AP1AR: variants seen among roughly 807,000 people sequenced by gnomAD.
AP1AR encodes the protein adaptor related protein complex 1 associated regulatory protein, also known as AP-1 complex-associated regulatory protein.
Under a neutral mutation model 46.3 loss-of-function variants are expected in AP1AR, and 29 were observed. The ratio of observed to expected loss-of-function variants is 0.63; its 90% CI spans 0.47 to 0.85. The LOEUF (loss-of-function observed/expected upper bound fraction) is 0.85. AP1AR is among the 40% of genes least tolerant of loss of function. AP1AR has a pLI of 0.00. For synonymous variants in AP1AR, 122 were observed against 122.9 expected (o/e 0.99, Z 0.05); for missense variants, 357 against 356.3 (o/e 1.00, Z -0.02).
At chr4:112,267,150 T>TG (rs1726744037) in intron 9 of AP1AR, among the ~76,000 whole-genome samples, 1 of 151,920 alleles carries the variant, frequency 6.6e-6, no homozygotes. Flanking sequence ...CTTGTTTTAC[T>TG]GGGTTGAGTC....
intron 9 of AP1AR, 66 bp downstream of exon 9, chr4:112,266,782 A>G: frequency 7.0e-7 from 1 of 1,428,532 alleles, no homozygotes. Flanking sequence ...ATGTAAATCT[A>G]CCTTGGTCTT....
At chr4:112,234,161 C>T (rs1372574923) in intron 1 of AP1AR, among the ~76,000 whole-genome samples, 4 of 152,150 alleles carry the variant, frequency 2.6e-5, no homozygotes, top group Non-Finnish European at 5.9e-5. Context: ...GCCCGGCCAG[C>T]AGGTTGAGTA....
Position 112,270,728 on chromosome 4 carries a change from AG to A in AP1AR, c.*2324del, listed in dbSNP as rs1159335508. Among the ~76,000 whole-genome samples, 37 of 152,296 alleles carry A rather than the reference AG, an allele frequency of 2.4e-4. No homozygotes were observed. In the East Asian group the frequency reaches 6.7e-3, roughly 28 times the overall value. ...CACTGGGAATGAAGCATCATGAGTG[AG>A]GGGGAAGAGTGGTATGAGATGATAC... On this transcript the variant is annotated 3_prime_UTR_variant, in exon 10 of 10. Transcript: ENST00000274000.
chr4:112,240,665 T>C (rs187007602), intron 1 of AP1AR, among the ~76,000 whole-genome samples: 1 of 152,316 alleles, frequency 6.6e-6, no homozygotes, highest in African/African-American at 2.4e-5. Context: ...ATCTCTTTTA[T>C]CTGCTTGGAG....
chr4:112,232,085 G>A lies in AP1AR; in HGVS notation c.-7G>A, dbSNP rs1459234986. The A allele has an allele frequency of 2.2e-6, 3 of 1,349,752 alleles. No individual in the cohort carries two copies. Among genetic ancestry groups the A allele is most frequent in the East Asian group, 6.1e-5 (2 of 32,652 alleles). The allele number at this position is 1,349,752 out of a possible 1,614,324, so 83.6% of individuals were successfully genotyped here. ...GAGGAGGAGCGGCGGCGCCTGGGCG[G>A]CATGCGATGGGGAACTGCTGCTGGA... On this transcript the variant is annotated 5_prime_UTR_variant, in exon 1 of 10. Coordinates refer to ENST00000274000, the MANE Select transcript of AP1AR (RefSeq NM_018569.6).
intron 5 of AP1AR, among the ~76,000 whole-genome samples, chr4:112,262,510 AT>A (rs2110490510): frequency 6.6e-6 from 1 of 152,348 alleles, no homozygotes; most frequent in East Asian, 1.9e-4. Flanking sequence ...TAATTTTTTA[AT>A]AGTTTGATAG....
intron 4 of AP1AR, among the ~76,000 whole-genome samples, chr4:112,260,068 G>A (rs1009323851): frequency 2.6e-5 from 4 of 152,168 alleles, no homozygotes; most frequent in African/African-American, 4.8e-5. Flanking sequence ...GCTGGGGTCC[G>A]AGTGCCAAAT....
Position 112,263,057 on chromosome 4 carries a change from A to C in AP1AR, c.352A>C (p.Arg118=). 6.2e-7 allele frequency: 1 copy of C among 1,613,806 alleles called. No homozygotes were observed. Among genetic ancestry groups the C allele is most frequent in the South Asian group, 1.1e-5 (1 of 91,048 alleles). ...ALYAAQREAA[R]AAKQRKLLEQ... is the part of the protein sequence containing the mutation. ...ATACGCTGCACAGCGTGAAGCAGCCAGGGCAGCAAAGCAGCGAAAGCTCTT... is the reference window on the plus strand; with the variant it reads ...ATACGCTGCACAGCGTGAAGCAGCCCGGGCAGCAAAGCAGCGAAAGCTCTT... The change falls in exon 6 of 10, where the codon AGG becomes CGG. Residue 118 remains arginine, a synonymous_variant. Coordinates refer to ENST00000274000, the MANE Select transcript of AP1AR (RefSeq NM_018569.6).
At chr4:112,265,680 G>T in intron 7 of AP1AR, 54 bp from the exon 8 acceptor site, 2 of 1,318,944 alleles carry the variant, frequency 1.5e-6, no homozygotes, top group Non-Finnish European at 1.1e-6. Context: ...TTATATATTT[G>T]TCATATTGCA....
At chr4:112,237,661 G>T (rs1329310972) in intron 1 of AP1AR, among the ~76,000 whole-genome samples, 2 of 151,652 alleles carry the variant, frequency 1.3e-5, no homozygotes, top group Non-Finnish European at 2.9e-5. Context: ...GTTTCACCAT[G>T]TTGCCCATGC....
intron 6 of AP1AR, among the ~76,000 whole-genome samples, chr4:112,264,752 A>T (rs184986453): frequency 1.6e-4 from 24 of 152,040 alleles, no homozygotes; most frequent in Admixed American, 1.1e-3. Context: ...CATATCTGTT[A>T]AAAAAAAGTT....
chr4:112,242,333 A>G (rs763908033), intron 1 of AP1AR, among the ~76,000 whole-genome samples: 1 of 152,132 alleles, frequency 6.6e-6, no homozygotes, highest in Non-Finnish European at 1.5e-5. Flanking sequence ...TCAGAGTATT[A>G]TTCTCCAGGA....
chr4:112,240,672 G>A (rs1043823522), intron 1 of AP1AR, among the ~76,000 whole-genome samples: 1 of 152,050 alleles, frequency 6.6e-6, no homozygotes, highest in Non-Finnish European at 1.5e-5. Flanking sequence ...TTATCTGCTT[G>A]GAGGCCTGGC....
intron 1 of AP1AR, among the ~76,000 whole-genome samples, chr4:112,241,416 C>T (rs1725491982): frequency 6.6e-6 from 1 of 152,128 alleles, no homozygotes; most frequent in Non-Finnish European, 1.5e-5. Context: ...AAGCTGGAGA[C>T]CCAGGAAAGC....
At chr4:112,235,736 A>G (rs566957740) in intron 1 of AP1AR, among the ~76,000 whole-genome samples, 1 of 152,250 alleles carries the variant, frequency 6.6e-6, no homozygotes, top group East Asian at 1.9e-4. Flanking sequence ...CTTAACCACC[A>G]CAAATAGTTC....
intron 1 of AP1AR, among the ~76,000 whole-genome samples, chr4:112,252,121 A>C (rs1227152575): frequency 6.6e-6 from 1 of 152,132 alleles, no homozygotes; most frequent in Admixed American, 6.6e-5. Flanking sequence ...TGCCTGTATT[A>C]CTAGCTACTG....
At chr4:112,265,618 C>A in intron 7 of AP1AR, 116 bp from the exon 8 acceptor site, 1 of 659,648 alleles carries the variant, frequency 1.5e-6, no homozygotes, top group Non-Finnish European at 2.6e-6. Flanking sequence ...AATTGTACAG[C>A]AGTTATGAAT....
At chr4:112,263,464 G>T (rs1560612954) in intron 6 of AP1AR, among the ~76,000 whole-genome samples, 1 of 142,398 alleles carries the variant, frequency 7.0e-6, no homozygotes, top group African/African-American at 2.6e-5. Flanking sequence ...TTTTGTGAGG[G>T]TTTTTTTTTT....
chr4:112,272,489 A>G lies in AP1AR; in HGVS notation c.*4080A>G, dbSNP rs1455206634. Among the ~76,000 whole-genome samples the G allele has an allele frequency of 6.6e-6, 1 of 152,146 alleles. No individual in the cohort carries two copies. The highest frequency in any genetic ancestry group is 1.5e-5 in the Non-Finnish European group (1 of 68,032). On this transcript the variant is annotated 3_prime_UTR_variant, in exon 10 of 10. Coordinates refer to ENST00000274000, the MANE Select transcript of AP1AR (RefSeq NM_018569.6). ...AGCCCAGTAAGGGAAAATTGCCCTA[A>G]GAGAGCATGTGCATAACTTCAATCA...
Sources: allele counts gnomAD v4.1 joint callset (sites outside exome capture counted in the v4.1 genomes callset), GRCh38; gene constraint gnomAD v4.1.1; transcripts MANE v1.5; gene names NCBI Gene and HGNC (gene_info 2026-07-23, HGNC 2026-07-21).